The following CPQ variants were observed in gnomAD, a reference collection of about 807,000 sequenced individuals.
CPQ encodes the protein carboxypeptidase Q.
A neutral mutation model predicts 45.7 loss-of-function variants in CPQ; 37 were observed. The ratio of observed to expected loss-of-function variants is 0.81; its 90% CI spans 0.62 to 1.07. CPQ has a LOEUF of 1.07. CPQ is among the 50% of genes least tolerant of loss of function. CPQ has a pLI of 0.00. For missense variants in CPQ, 537 were observed against 572.9 expected, an observed-to-expected ratio of 0.94 and a Z score of 0.64; for synonymous variants, 186 against 205.8, an observed-to-expected ratio of 0.90 and a Z score of 0.82.
At chr8:97,105,751 T>G (rs1811393317) in intron 7 of CPQ, among the ~76,000 whole-genome samples, 1 of 152,188 alleles carries the variant, frequency 6.6e-6, no homozygotes, top group African/African-American at 2.4e-5. Flanking sequence ...AAACTCTTTA[T>G]TTGTTATCAT....
chr8:96,971,290 G>T (rs766548593), intron 5 of CPQ, among the ~76,000 whole-genome samples: 8 of 152,204 alleles, frequency 5.3e-5, no homozygotes, highest in Non-Finnish European at 8.8e-5. Flanking sequence ...AGAGCCTATT[G>T]TTGTGTCTCT....
chr8:96,943,892 C>T (rs1259351792), intron 4 of CPQ, among the ~76,000 whole-genome samples: 1 of 152,086 alleles, frequency 6.6e-6, no homozygotes, highest in Non-Finnish European at 1.5e-5. Flanking sequence ...ACCTTTTAGG[C>T]TGGAAGGTTT....
intron 1 of CPQ, among the ~76,000 whole-genome samples, chr8:96,650,063 A>G (rs894538831): frequency 6.6e-6 from 1 of 152,240 alleles, no homozygotes; most frequent in Non-Finnish European, 1.5e-5. Context: ...AAGAAATTTG[A>G]GCTGGCGCTT....
intron 1 of CPQ, among the ~76,000 whole-genome samples, chr8:96,712,501 G>C (rs773384096): frequency 6.6e-6 from 1 of 152,158 alleles, no homozygotes; most frequent in East Asian, 1.9e-4. Flanking sequence ...TGAAATCTAG[G>C]CAGAGCTTCC....
At chr8:96,791,462 C>T (rs1299593882) in intron 2 of CPQ, among the ~76,000 whole-genome samples, 1 of 152,068 alleles carries the variant, frequency 6.6e-6, no homozygotes, top group African/African-American at 2.4e-5. Flanking sequence ...TCCTGGCTAC[C>T]TGCCTGGTAT....
chr8:96,839,497 A>G (rs1811577403), intron 3 of CPQ, among the ~76,000 whole-genome samples: 1 of 152,094 alleles, frequency 6.6e-6, no homozygotes, highest in African/African-American at 2.4e-5. Context: ...GTCCTGGGAA[A>G]TATGTTTTAA....
rs192592573 is a variant in CPQ at position 96,782,064 on chromosome 8, T to C, written c.-34-2800T>C. ...TGGAGTCTTATGCTTACAGCTCTCC[T>C]GGGCTGGCTTTGTGTGCTGGTATCT... On this transcript the variant is annotated intron_variant, in intron 1 of 7. Transcript: ENST00000220763. Among the ~76,000 whole-genome samples, 410 of 152,318 alleles carry C rather than the reference T, an allele frequency of 2.7e-3. 5 individuals carry two copies. Among genetic ancestry groups the C allele is most frequent in the Admixed American group, 0.011 (170 of 15,302 alleles).
chr8:97,116,240 T>C (rs1811590968), intron 7 of CPQ, among the ~76,000 whole-genome samples: 1 of 152,206 alleles, frequency 6.6e-6, no homozygotes, highest in South Asian at 2.1e-4. Flanking sequence ...GGGCTAGGCA[T>C]ATCCCTCATG....
Position 97,029,383 on chromosome 8 carries a change from T to G in CPQ, c.962-20T>G, listed in dbSNP as rs1809856884. The stretch of plus-strand genomic sequence containing the variant: ...CAAAATCAACTAAAGTATCACTTTT[T>G]TATTTTATTATTTTCCCAGGGCTGC... On this transcript the variant is annotated intron_variant, in intron 5 of 7. Coordinates refer to ENST00000220763, the MANE Select transcript of CPQ (RefSeq NM_016134.4). 1 of 1,563,342 alleles carries G rather than the reference T, an allele frequency of 6.4e-7. No individual in the cohort carries two copies. Among genetic ancestry groups the G allele is most frequent in the Non-Finnish European group, 8.7e-7 (1 of 1,152,106 alleles).
intron 4 of CPQ, among the ~76,000 whole-genome samples, chr8:96,951,545 G>A (rs958303815): frequency 6.6e-6 from 1 of 152,168 alleles, no homozygotes; most frequent in African/African-American, 2.4e-5. Flanking sequence ...GAGAGGTTTT[G>A]TATATGATTG....
chr8:97,039,332 A>G (rs750904990), intron 6 of CPQ, among the ~76,000 whole-genome samples: 8 of 152,200 alleles, frequency 5.3e-5, no homozygotes, highest in Non-Finnish European at 1.2e-4. Context: ...AGAAATGAAC[A>G]TTCCAATACA....
At chr8:96,883,939 G>T (rs114468742) in intron 4 of CPQ, among the ~76,000 whole-genome samples, 3,141 of 152,198 alleles carry the variant, frequency 0.021, 114 homozygotes, top group African/African-American at 0.072. Flanking sequence ...TTTTATTTTG[G>T]TAAAATGAAG....
At chr8:96,699,290 AT>A (rs1469195384) in intron 1 of CPQ, among the ~76,000 whole-genome samples, 1 of 152,148 alleles carries the variant, frequency 6.6e-6, no homozygotes, top group Non-Finnish European at 1.5e-5. Context: ...AGACAATTGA[AT>A]TCATGGACAT....
chr8:96,945,202 G>A (rs1813174082), intron 4 of CPQ, among the ~76,000 whole-genome samples: 1 of 152,202 alleles, frequency 6.6e-6, no homozygotes, highest in Non-Finnish European at 1.5e-5. Flanking sequence ...GGAGATCATG[G>A]TTGCTGTTCA....
At chr8:96,754,718 C>G (rs963374843) in intron 1 of CPQ, among the ~76,000 whole-genome samples, 1 of 151,922 alleles carries the variant, frequency 6.6e-6, no homozygotes, top group African/African-American at 2.4e-5. Context: ...GAGTGGAATT[C>G]TCTTTTAATT....
chr8:96,804,839 G>A (rs1811059033), intron 2 of CPQ, among the ~76,000 whole-genome samples: 2 of 150,846 alleles, frequency 1.3e-5, no homozygotes, highest in African/African-American at 4.9e-5. Context: ...CTGCCGTATT[G>A]TACTCTCCTC....
rs148610549 is a variant in CPQ at position 97,102,519 on chromosome 8, C to T, written c.1255+36309C>T. 3.7e-3 allele frequency among the ~76,000 whole-genome samples: 564 copies of T among 152,232 alleles called. 1 individual carries two copies. The highest frequency in any genetic ancestry group is 0.012 in the African/African-American group (513 of 41,532). ...GCCTTTTCACTTACCTTCTTTTACT[C>T]GCAGTTTCAAGGATTCAGATTTGGT... On this transcript the variant is annotated intron_variant, in intron 7 of 7. Coordinates refer to ENST00000220763, the MANE Select transcript of CPQ (RefSeq NM_016134.4).
intron 5 of CPQ, among the ~76,000 whole-genome samples, chr8:97,027,665 A>G (rs1056918114): frequency 2.6e-5 from 4 of 152,208 alleles, no homozygotes; most frequent in Non-Finnish European, 5.9e-5. Flanking sequence ...GAAGACTTTT[A>G]GAAGATGAGA....
intron 3 of CPQ, among the ~76,000 whole-genome samples, chr8:96,866,692 C>G (rs1295610103): frequency 6.6e-6 from 1 of 151,972 alleles, no homozygotes; most frequent in Non-Finnish European, 1.5e-5. Context: ...AAAATTCAGA[C>G]TCTAAATTTA....
Sources: allele counts gnomAD v4.1 joint callset (sites outside exome capture counted in the v4.1 genomes callset), GRCh38; gene constraint gnomAD v4.1.1; transcripts MANE v1.5; gene names NCBI Gene and HGNC (gene_info 2026-07-23, HGNC 2026-07-21).